FAM135B: variants seen among roughly 807,000 people sequenced by gnomAD.
FAM135B encodes protein FAM135B.
A neutral mutation model predicts 127.7 loss-of-function variants in FAM135B; 43 were observed. That is an observed-to-expected ratio of 0.34 (90% CI 0.26 to 0.43). The LOEUF is 0.43. Among genes scored for constraint, FAM135B ranks in the 20% least tolerant of loss-of-function variants. FAM135B has a pLI of 1.00. For synonymous variants in FAM135B, 670 were observed against 665.1 expected, an observed-to-expected ratio of 1.01 and a Z score of -0.11; for missense variants, 1,558 against 1,725.6, an observed-to-expected ratio of 0.90 and a Z score of 1.72.
At position 138,138,977 on chromosome 8, in the gene FAM135B, A is replaced by C. The variant is rs767454102; in HGVS notation, c.3901+9T>G. The stretch of plus-strand genomic sequence containing the variant: ...ACTCATAACTGCAGCTGTGGGGGAA[A>C]CCACTGACCTGTTTTTTGGCTTAGT... On this transcript the variant is annotated intron_variant, in intron 18 of 19. Coordinates refer to ENST00000395297, the MANE Select transcript of FAM135B (RefSeq NM_015912.4). The C allele has an allele frequency of 3.2e-6, 5 of 1,564,300 alleles. No homozygotes were observed. The highest frequency in any genetic ancestry group is 4.4e-6 in the Non-Finnish European group (5 of 1,134,780).
At chr8:138,435,813 G>A (rs913299673) in intron 1 of FAM135B, among the ~76,000 whole-genome samples, 1 of 152,090 alleles carries the variant, frequency 6.6e-6, no homozygotes, top group Non-Finnish European at 1.5e-5. Flanking sequence ...TCACCCCTTT[G>A]TTTAAGGGGT....
At chr8:138,388,060 T>A (rs1832323619) in intron 1 of FAM135B, among the ~76,000 whole-genome samples, 1 of 152,096 alleles carries the variant, frequency 6.6e-6, no homozygotes, top group African/African-American at 2.4e-5. Context: ...CACAATGAGA[T>A]ACCCCGATTA....
chr8:138,219,316 G>A (rs1818841603), intron 7 of FAM135B, among the ~76,000 whole-genome samples: 1 of 152,136 alleles, frequency 6.6e-6, no homozygotes, highest in Non-Finnish European at 1.5e-5. Flanking sequence ...GGGAGAACAG[G>A]TTGATATTTT....
intron 7 of FAM135B, among the ~76,000 whole-genome samples, chr8:138,206,308 C>T (rs1485418886): frequency 5.3e-5 from 8 of 151,218 alleles, no homozygotes; most frequent in Admixed American, 1.3e-4. Context: ...ATCCCCTCCA[C>T]CTACCCACAG....
Position 138,141,284 on chromosome 8 carries a change from T to A in FAM135B, c.3704A>T (p.Tyr1235Phe), listed in dbSNP as rs796617075. ...GAACGTGTGGAGTTTGTTGAGGTAA[T>A]ACCGGAACCGGGGCCGTGTGAGGAC... ...RSVLTRPRFR[Y>F]YLNKLHTFLS... Residue 1235 changes from tyrosine (Y) to phenylalanine (F), a missense_variant, in exon 17 of 20, where the codon TAT becomes TTT. Physicochemically the swap from Tyr to Phe is conservative, Grantham distance 22. Coordinates refer to ENST00000395297, the MANE Select transcript of FAM135B (RefSeq NM_015912.4). This position sits in a 1 kb window ranked among gnomAD's most constrained non-coding sequence, Gnocchi z 4.7. 1 of 1,614,108 alleles carries A rather than the reference T, an allele frequency of 6.2e-7. No individual in the cohort carries two copies. Among genetic ancestry groups the A allele is most frequent in the South Asian group, 1.1e-5 (1 of 91,076 alleles).
rs546919777 is a variant in FAM135B at position 138,152,795 on chromosome 8, A to G, written c.1680T>C (p.Asn560=). The G allele has an allele frequency of 8.1e-6, 13 of 1,614,074 alleles. No homozygotes were observed. In the East Asian group the frequency reaches 2.2e-4, roughly 28 times the overall value. ...GGGGTTCAGCTCTGGAGGGGTTCTT[A>G]TTGCTAGATTTTACGTCAATGTAGG... ...VLTYIDVKSS[N]KNPSRAEPLV... The change falls in exon 13 of 20, where the codon AAT becomes AAC. Residue 560 remains asparagine (N), a synonymous_variant. Transcript: ENST00000395297.
chr8:138,303,650 A>T (rs1826041388), intron 3 of FAM135B, among the ~76,000 whole-genome samples: 1 of 152,202 alleles, frequency 6.6e-6, no homozygotes, highest in Non-Finnish European at 1.5e-5. Flanking sequence ...TAAAAAGAAA[A>T]GAAATCACAA....
chr8:138,318,017 T>A (rs1387796249), intron 2 of FAM135B, among the ~76,000 whole-genome samples: 1 of 152,218 alleles, frequency 6.6e-6, no homozygotes, highest in Non-Finnish European at 1.5e-5. Context: ...TAATAAAACA[T>A]CTTTAAAATG....
chr8:138,267,313 C>T (rs898344137), intron 3 of FAM135B, among the ~76,000 whole-genome samples: 12 of 152,302 alleles, frequency 7.9e-5, no homozygotes, highest in Admixed American at 3.3e-4. Flanking sequence ...TGATCTCAAA[C>T]TTCCAATCTC....
intron 1 of FAM135B, among the ~76,000 whole-genome samples, chr8:138,479,476 T>C (rs1446991306): frequency 6.6e-6 from 1 of 152,192 alleles, no homozygotes; most frequent in African/African-American, 2.4e-5. Context: ...TGATAGAGGC[T>C]TGTTATGAAT....
At chr8:138,495,940 G>A (rs752328902) in intron 1 of FAM135B, among the ~76,000 whole-genome samples, 7 of 152,296 alleles carry the variant, frequency 4.6e-5, no homozygotes, top group Non-Finnish European at 8.8e-5. Flanking sequence ...CACTATGAGC[G>A]ATGTGATTCT....
chr8:138,141,141 ACGCCCC>A lies in FAM135B; in HGVS notation c.3790+51_3790+56del. ...AGTGGAAGTACCTGTGCCCGGTTTC[ACGCCCC>A]AGAGGCCCCAGATTAATTCTGAGGA... On this transcript the variant is annotated intron_variant, in intron 17 of 19. Transcript: ENST00000395297. The surrounding 1 kb of genome is among the most constrained non-coding windows in gnomAD (Gnocchi z 4.7). 1 of 1,568,274 alleles carries A rather than the reference ACGCCCC, an allele frequency of 6.4e-7. No homozygotes were observed. Among genetic ancestry groups the A allele is most frequent in the Non-Finnish European group, 8.7e-7 (1 of 1,145,440 alleles).
At chr8:138,255,754 G>T (rs996191803) in intron 5 of FAM135B, among the ~76,000 whole-genome samples, 2 of 152,144 alleles carry the variant, frequency 1.3e-5, no homozygotes, top group Non-Finnish European at 2.9e-5. Flanking sequence ...TGGCCAGGGG[G>T]TACCTAAGCA....
intron 6 of FAM135B, among the ~76,000 whole-genome samples, chr8:138,247,571 C>T (rs1018066513): frequency 6.6e-6 from 1 of 152,198 alleles, no homozygotes; most frequent in Middle Eastern, 3.2e-3. Flanking sequence ...GTCAGTTAAA[C>T]CTCTTTCCTT....
intron 2 of FAM135B, among the ~76,000 whole-genome samples, chr8:138,364,206 AGAG>A (rs1225300295): frequency 6.6e-6 from 1 of 152,188 alleles, no homozygotes; most frequent in African/African-American, 2.4e-5. Context: ...TGTGGGACTC[AGAG>A]GAGAAAAATA....
At chr8:138,294,794 G>C (rs760500176) in intron 3 of FAM135B, among the ~76,000 whole-genome samples, 1 of 152,154 alleles carries the variant, frequency 6.6e-6, no homozygotes, top group Non-Finnish European at 1.5e-5. Flanking sequence ...TAAGGTGAAA[G>C]TGTCTTTAGA....
chr8:138,182,767 T>TGAACAAACCGCGCTCTCTCA (rs1815186400), intron 9 of FAM135B, among the ~76,000 whole-genome samples: 1 of 152,206 alleles, frequency 6.6e-6, no homozygotes, highest in Non-Finnish European at 1.5e-5. Flanking sequence ...TTACATTCCA[T>TGAACAAACCGCGCTCTCTCA]GAACAAACCG....
intron 7 of FAM135B, among the ~76,000 whole-genome samples, chr8:138,221,795 C>T (rs1324109556): frequency 6.6e-6 from 1 of 152,200 alleles, no homozygotes; most frequent in East Asian, 1.9e-4. Flanking sequence ...TTCCAAGTAA[C>T]TTAACCACAT....
At chr8:138,441,884 G>A (rs1039878264) in intron 1 of FAM135B, 13 of 151,908 alleles carry the variant, frequency 8.6e-5, no homozygotes, top group African/African-American at 2.9e-4. Flanking sequence ...GCTGTGTGAG[G>A]AGACAGCAAA....
Sources: allele counts gnomAD v4.1 joint callset (sites outside exome capture counted in the v4.1 genomes callset), GRCh38; gene constraint gnomAD v4.1.1; non-coding constraint Gnocchi (gnomAD v3.1); transcripts MANE v1.5; gene names NCBI Gene and HGNC (gene_info 2026-07-23, HGNC 2026-07-21).